Variants in ZC3H12B observed in about 807,000 individuals in gnomAD.
ZC3H12B encodes the protein probable ribonuclease ZC3H12B.
In ZC3H12B, 7 loss-of-function variants were observed where a neutral mutation model predicts 43.9. That is an observed-to-expected ratio of 0.16 (90% CI 0.09 to 0.30). The LOEUF (loss-of-function observed/expected upper bound fraction) is 0.30, where lower values mean the gene tolerates loss of function less well. Among genes scored for constraint, ZC3H12B ranks in the 10% least tolerant of loss-of-function variants. The pLI is 1.00. For synonymous variants in ZC3H12B, 222 were observed against 241.7 expected (o/e 0.92, Z 0.76); for missense variants, 475 against 670.2 (o/e 0.71, Z 3.22).
the ZC3H12B span, among the ~76,000 whole-genome samples, chrX:65,193,113 T>C: frequency 9.1e-6 from 1 of 109,563 alleles, no homozygotes; most frequent in Non-Finnish European, 1.9e-5. Context: ...CTGAAGGTTT[T>C]TTTTTTTTTT....
At chrX:65,201,643 TCTC>T in the ZC3H12B span, among the ~76,000 whole-genome samples, 3 of 3,821 alleles carry the variant, frequency 7.9e-4, no homozygotes, top group African/African-American at 3.0e-3. Context: ...AGATCACCTC[TCTC>T]TCTCTCTCTC....
At chrX:65,427,763 T>C (rs1411540645) in intron 3 of ZC3H12B, among the ~76,000 whole-genome samples, 1 of 112,013 alleles carries the variant, frequency 8.9e-6, no homozygotes, top group Non-Finnish European at 1.9e-5. Flanking sequence ...AGTCCATTTC[T>C]ATTTGAGGTT....
the ZC3H12B span, among the ~76,000 whole-genome samples, chrX:65,137,107 G>A: frequency 3.6e-5 from 4 of 111,481 alleles, no homozygotes; most frequent in Admixed American, 3.8e-4. Flanking sequence ...TTCAAATTTA[G>A]CAAACCTTTA....
chrX:65,342,475 A>G, the ZC3H12B span, among the ~76,000 whole-genome samples: 22 of 112,321 alleles, frequency 2.0e-4, no homozygotes, highest in African/African-American at 6.8e-4. Flanking sequence ...GGAACACAGC[A>G]CAATATAATT....
Position 65,494,315 on chromosome X carries a change from T to C in ZC3H12B, c.609-2817T>C, listed in dbSNP as rs1362556829. 3.6e-5 allele frequency among the ~76,000 whole-genome samples: 4 copies of C among 110,605 alleles called. No individual in the cohort carries two copies. The Admixed American group carries it at 3.9e-4, about 11-fold the overall frequency. ...AGGCTGGAGTGCAGTGGCATGATCA[T>C]AGCTCACTGTGACCTCAAACTCCTG... is the stretch of plus-strand genomic sequence containing the variant. On this transcript the variant is annotated intron_variant, in intron 1 of 4. Coordinates refer to ENST00000338957, the Ensembl canonical transcript of ZC3H12B.
chrX:65,154,116 A>T, the ZC3H12B span, among the ~76,000 whole-genome samples: 1 of 111,393 alleles, frequency 9.0e-6, no homozygotes, highest in Admixed American at 9.6e-5. Context: ...ACATTAGGAG[A>T]TATACCTAAT....
intron 3 of ZC3H12B, among the ~76,000 whole-genome samples, chrX:65,464,947 A>G: frequency 9.0e-6 from 1 of 111,071 alleles, no homozygotes; most frequent in Non-Finnish European, 1.9e-5. Context: ...TCCTTTCATT[A>G]TTAATTTTAT....
At chrX:65,189,795 T>A in the ZC3H12B span, among the ~76,000 whole-genome samples, 8,866 of 110,909 alleles carry the variant, frequency 0.08, 1,019 homozygotes, top group African/African-American at 0.28. Flanking sequence ...GAAGCTCTTT[T>A]GTTTAATTAG....
At chrX:65,456,049 C>T (rs1434102437) in intron 3 of ZC3H12B, among the ~76,000 whole-genome samples, 3 of 111,478 alleles carry the variant, frequency 2.7e-5, no homozygotes, top group African/African-American at 9.8e-5. Flanking sequence ...ACCATCGAGG[C>T]TAGGAAGAAA....
upstream of ZC3H12B, among the ~76,000 whole-genome samples, chrX:65,364,363 A>G (rs1051997701): frequency 9.4e-6 from 1 of 106,218 alleles, no homozygotes; most frequent in African/African-American, 3.5e-5. Flanking sequence ...GTCCTCCATC[A>G]TTAGTATCTC....
the ZC3H12B span, among the ~76,000 whole-genome samples, chrX:65,138,442 A>T: frequency 8.9e-6 from 1 of 112,066 alleles, no homozygotes; most frequent in Non-Finnish European, 1.9e-5. Context: ...ATACAATTTT[A>T]TTGTGTATAT....
At chrX:65,167,586 A>G in the ZC3H12B span, among the ~76,000 whole-genome samples, 1 of 111,814 alleles carries the variant, frequency 8.9e-6, no homozygotes, top group Non-Finnish European at 1.9e-5. Flanking sequence ...GTAGAAAGTC[A>G]TTGGTAGCTT....
chrX:65,389,405 G>A (rs373603258), intron 2 of ZC3H12B, among the ~76,000 whole-genome samples: 17 of 112,422 alleles, frequency 1.5e-4, no homozygotes, highest in African/African-American at 4.2e-4. Flanking sequence ...AGCAGTGAGC[G>A]GGGCTCCATG....
chrX:65,373,908 G>GT (rs1464300911), intron 2 of ZC3H12B, among the ~76,000 whole-genome samples: 1 of 5,816 alleles, frequency 1.7e-4, no homozygotes, highest in Non-Finnish European at 1.6e-3. Flanking sequence ...TATATATATA[G>GT]TTATATATAT....
chrX:65,099,127 G>A, the ZC3H12B span, among the ~76,000 whole-genome samples: 1 of 111,771 alleles, frequency 8.9e-6, no homozygotes, highest in Non-Finnish European at 1.9e-5. Flanking sequence ...TAAACACAGT[G>A]AGGCAAAGCG....
At chrX:65,276,660 G>A in the ZC3H12B span, among the ~76,000 whole-genome samples, 2 of 111,942 alleles carry the variant, frequency 1.8e-5, no homozygotes, top group Non-Finnish European at 3.8e-5. Flanking sequence ...ACTAAGGAAA[G>A]TCATCACTAC....
chrX:65,130,123 C>T, the ZC3H12B span, among the ~76,000 whole-genome samples: 1 of 111,348 alleles, frequency 9.0e-6, no homozygotes, highest in Non-Finnish European at 1.9e-5. Context: ...CTATCGTTGA[C>T]AGAGTCCTCT....
chrX:65,391,956 G>A (rs971446898), intron 2 of ZC3H12B, among the ~76,000 whole-genome samples: 4 of 111,643 alleles, frequency 3.6e-5, no homozygotes, highest in Non-Finnish European at 7.5e-5. Context: ...TGGTGGAGAC[G>A]GGGTTTTGCC....
chrX:65,340,338 CT>C, the ZC3H12B span, among the ~76,000 whole-genome samples: 3 of 112,167 alleles, frequency 2.7e-5, no homozygotes, highest in Non-Finnish European at 5.6e-5. Context: ...TGATGGCACC[CT>C]GCCACAGCCA....
Sources: gnomAD v4.1 joint callset for allele counts (sites outside exome capture counted in the v4.1 genomes callset) on GRCh38, gnomAD v4.1.1 for gene constraint, MANE v1.5 for transcripts, NCBI Gene and HGNC (gene_info 2026-07-23, HGNC 2026-07-21) for gene names.